RIC1: variants seen among roughly 807,000 people sequenced by gnomAD.
RIC1 encodes RIC1 partner of RAB6A GEF complex.
A neutral mutation model predicts 169.0 loss-of-function variants in RIC1; 88 were observed. The observed-to-expected ratio is 0.52, with a 90% CI of 0.44 to 0.62. The LOEUF is 0.62. Among genes scored for constraint, RIC1 ranks in the 20% least tolerant of loss-of-function variants. The pLI, the probability that RIC1 is intolerant of heterozygous loss-of-function variation, is 0.00. For synonymous variants in RIC1, 790 were observed against 601.5 expected, an observed-to-expected ratio of 1.31 and a Z score of -4.59; for missense variants, 1,877 against 1,725.5, an observed-to-expected ratio of 1.09 and a Z score of -1.56.
At chr9:5,716,162 CAT>C (rs1449503333) in intron 4 of RIC1, among the ~76,000 whole-genome samples, 1 of 150,858 alleles carries the variant, frequency 6.6e-6, no homozygotes, top group Non-Finnish European at 1.5e-5. Context: ...TAAATTTAAA[CAT>C]ACATTTAACA....
intron 2 of RIC1, among the ~76,000 whole-genome samples, chr9:5,658,082 T>A (rs1819211191): frequency 1.3e-5 from 2 of 152,126 alleles, no homozygotes; most frequent in African/African-American, 4.8e-5. Flanking sequence ...CTTCATAACA[T>A]TTCAAGTGTA....
intron 3 of RIC1, among the ~76,000 whole-genome samples, chr9:5,692,193 A>G (rs992592585): frequency 1.3e-5 from 2 of 152,130 alleles, no homozygotes; most frequent in Admixed American, 6.5e-5. Context: ...ATAGTTAAAG[A>G]TACAGGCTTT....
At chr9:5,639,804 G>GA (rs1439684033) in intron 1 of RIC1, among the ~76,000 whole-genome samples, 1 of 152,114 alleles carries the variant, frequency 6.6e-6, no homozygotes, top group Non-Finnish European at 1.5e-5. Context: ...TCTATTGCTG[G>GA]ATTGACTCTT....
chr9:5,777,672 T>C (rs1047097661), downstream of RIC1, among the ~76,000 whole-genome samples: 3 of 152,194 alleles, frequency 2.0e-5, no homozygotes, highest in Non-Finnish European at 2.9e-5. Context: ...TTAATTTTCA[T>C]ATATGATATG....
At chr9:5,636,423 A>C (rs1817974380) in intron 1 of RIC1, among the ~76,000 whole-genome samples, 1 of 151,974 alleles carries the variant, frequency 6.6e-6, no homozygotes, top group South Asian at 2.1e-4. Flanking sequence ...GGGTTCAAGC[A>C]ATTCTCCTGC....
At chr9:5,768,114 C>T (rs1022370467) in intron 21 of RIC1, among the ~76,000 whole-genome samples, 3 of 152,226 alleles carry the variant, frequency 2.0e-5, no homozygotes, top group Non-Finnish European at 4.4e-5. Context: ...CTTTACCCCA[C>T]CACTAAACTG....
intron 10 of RIC1, among the ~76,000 whole-genome samples, chr9:5,744,727 T>C (rs1825281600): frequency 1.3e-5 from 2 of 152,190 alleles, no homozygotes; most frequent in African/African-American, 4.8e-5. Context: ...GTTGCAGCTA[T>C]TGGAGCATTT....
chr9:5,635,846 T>C (rs1032523828), intron 1 of RIC1, among the ~76,000 whole-genome samples: 1 of 152,218 alleles, frequency 6.6e-6, no homozygotes, highest in African/African-American at 2.4e-5. Flanking sequence ...AAGTGCCTGC[T>C]TCCCCTTCTG....
chr9:5,639,374 A>C (rs1348697242), intron 1 of RIC1, among the ~76,000 whole-genome samples: 2 of 152,180 alleles, frequency 1.3e-5, no homozygotes, highest in Non-Finnish European at 2.9e-5. Flanking sequence ...ATTCAGGAAC[A>C]TATTGTTTAA....
chr9:5,755,193 G>A (rs1481062395), intron 15 of RIC1, among the ~76,000 whole-genome samples: 1 of 152,086 alleles, frequency 6.6e-6, no homozygotes, highest in Admixed American at 6.5e-5. Flanking sequence ...AAAATAAAGA[G>A]TTAAAAGCAA....
At chr9:5,704,385 A>AT (rs1223657877) in intron 3 of RIC1, among the ~76,000 whole-genome samples, 3 of 151,416 alleles carry the variant, frequency 2.0e-5, no homozygotes, top group African/African-American at 7.3e-5. Context: ...TAATTTTTTG[A>AT]TTTTTTTGTG....
chr9:5,722,139 C>T (rs1823633519), intron 6 of RIC1, among the ~76,000 whole-genome samples: 1 of 151,822 alleles, frequency 6.6e-6, no homozygotes, highest in South Asian at 2.1e-4. Context: ...CCACCCACCT[C>T]AGCCTCCCAA....
chr9:5,722,979 C>G (rs1823704910), intron 6 of RIC1, among the ~76,000 whole-genome samples: 1 of 152,170 alleles, frequency 6.6e-6, no homozygotes, highest in Non-Finnish European at 1.5e-5. Context: ...GGGCTTGGTA[C>G]CAAGTCTTTG....
intron 1 of RIC1, among the ~76,000 whole-genome samples, chr9:5,646,473 A>G (rs767542168): frequency 3.3e-5 from 5 of 152,200 alleles, no homozygotes; most frequent in Non-Finnish European, 7.3e-5. Flanking sequence ...ATATAGTGTA[A>G]TGCATTACTT....
chr9:5,646,609 C>A (rs954123323), intron 1 of RIC1, among the ~76,000 whole-genome samples: 3 of 152,064 alleles, frequency 2.0e-5, no homozygotes, highest in Non-Finnish European at 4.4e-5. Flanking sequence ...ACCTTATAGC[C>A]AAGGTGTGTA....
chr9:5,683,870 G>C (rs903550765), intron 2 of RIC1, among the ~76,000 whole-genome samples: 1 of 151,994 alleles, frequency 6.6e-6, no homozygotes, highest in Non-Finnish European at 1.5e-5. Flanking sequence ...CAGCCTCGCT[G>C]CCACCTTGCA....
At chr9:5,700,873 T>C (rs1340699701) in intron 3 of RIC1, among the ~76,000 whole-genome samples, 1 of 152,244 alleles carries the variant, frequency 6.6e-6, no homozygotes, top group East Asian at 1.9e-4. Flanking sequence ...CCATGTAGTT[T>C]CACAAAGACA....
chr9:5,631,216 TTAAAC>T (rs1817699622), intron 1 of RIC1, among the ~76,000 whole-genome samples: 1 of 152,188 alleles, frequency 6.6e-6, no homozygotes, highest in Non-Finnish European at 1.5e-5. Context: ...GTTCTGGAAT[TTAAAC>T]TATTCATACT....
intron 2 of RIC1, among the ~76,000 whole-genome samples, chr9:5,681,436 C>G (rs1563894819): frequency 1.3e-5 from 2 of 152,010 alleles, no homozygotes; most frequent in Non-Finnish European, 2.9e-5. Context: ...GTTCAGTGTC[C>G]ATGTAGTTGA....
Sources: allele counts gnomAD v4.1 joint callset (sites outside exome capture counted in the v4.1 genomes callset), GRCh38; gene constraint gnomAD v4.1.1; transcripts MANE v1.5; gene names NCBI Gene and HGNC (gene_info 2026-07-23, HGNC 2026-07-21).